Variants in SETDB2 observed in about 807,000 individuals in gnomAD.
SETDB2 encodes histone-lysine N-methyltransferase SETDB2.
Under a neutral mutation model 82.5 loss-of-function variants are expected in SETDB2, and 56 were observed. The observed-to-expected ratio is 0.68, with a 90% CI of 0.55 to 0.85. The LOEUF (loss-of-function observed/expected upper bound fraction) is 0.85. SETDB2 is among the 40% of genes least tolerant of loss of function. The pLI, the probability that SETDB2 is intolerant of heterozygous loss-of-function variation, is 0.00. For missense variants in SETDB2, 677 were observed against 816.4 expected (o/e 0.83, Z 2.08); for synonymous variants, 272 against 284.9 (o/e 0.95, Z 0.46).
intron 7 of SETDB2, 26 bp downstream of exon 7, chr13:49,480,361 A>G (rs770939721): frequency 8.4e-6 from 12 of 1,433,274 alleles, no homozygotes; most frequent in African/African-American, 5.7e-5. Flanking sequence ...GATTTGTTGC[A>G]GGGTGTGTAT....
intron 4 of SETDB2, among the ~76,000 whole-genome samples, chr13:49,467,374 G>A (rs1474134461): frequency 9.6e-5 from 14 of 145,078 alleles, no homozygotes; most frequent in Admixed American, 5.6e-4. Flanking sequence ...CACCCTGGGC[G>A]ACAGAGTGAA....
At position 49,491,928 on chromosome 13, in the gene SETDB2, C is replaced by A; in HGVS notation, c.*79C>A. 1 of 949,394 alleles carries A rather than the reference C, an allele frequency of 1.1e-6. No homozygotes were observed. The highest frequency in any genetic ancestry group is 1.7e-6 in the Non-Finnish European group (1 of 581,010). The allele number at this position is 949,394 out of a possible 1,614,324, so 58.8% of individuals were successfully genotyped here. ...CATGCAAAAGAAGGTCTAGGTCCAT[C>A]AAGGAAATTCCCCTCCGTTTTCCTT... On this transcript the variant is annotated 3_prime_UTR_variant, in exon 14 of 14. Coordinates refer to ENST00000611815, the MANE Select transcript of SETDB2 (RefSeq NM_001160308.3).
At chr13:49,445,158 A>G (rs1458092535) in intron 1 of SETDB2, among the ~76,000 whole-genome samples, 1 of 152,012 alleles carries the variant, frequency 6.6e-6, no homozygotes, top group Non-Finnish European at 1.5e-5. Flanking sequence ...CACTTACGGT[A>G]TGGCATTCCT....
At chr13:49,449,544 G>C (rs901632706) in intron 1 of SETDB2, among the ~76,000 whole-genome samples, 4 of 152,022 alleles carry the variant, frequency 2.6e-5, no homozygotes, top group Non-Finnish European at 5.9e-5. Context: ...TTTAATTGAG[G>C]TTAGCCCCAA....
intron 10 of SETDB2, among the ~76,000 whole-genome samples, chr13:49,485,109 T>C (rs144529867): frequency 3.0e-4 from 45 of 152,348 alleles, no homozygotes; most frequent in African/African-American, 9.9e-4. Context: ...TCAATGTGTA[T>C]TGAATACTTA....
At position 49,491,882 on chromosome 13, in the gene SETDB2, T is replaced by A; in HGVS notation, c.*33T>A. On this transcript the variant is annotated 3_prime_UTR_variant, in exon 14 of 14. Coordinates refer to ENST00000611815, the MANE Select transcript of SETDB2 (RefSeq NM_001160308.3). ...ACTAACGCCTGTTTGTGAAATTAGC[T>A]TATCAGGCTGAAATTAAAGCCATGC... 7.0e-7 allele frequency: 1 copy of A among 1,432,872 alleles called. No homozygotes were observed. The highest frequency in any genetic ancestry group is 9.8e-7 in the Non-Finnish European group (1 of 1,016,104). The allele number at this position is 1,432,872 out of a possible 1,614,324, so 88.8% of individuals were successfully genotyped here.
chr13:49,486,842 G>A (rs552271802), intron 11 of SETDB2, among the ~76,000 whole-genome samples: 6 of 152,198 alleles, frequency 3.9e-5, no homozygotes, highest in South Asian at 2.1e-4. Flanking sequence ...AGAGATATCC[G>A]TTTGTGAAGA....
At chr13:49,491,342 G>C (rs1434003736) in intron 13 of SETDB2, among the ~76,000 whole-genome samples, 1 of 152,094 alleles carries the variant, frequency 6.6e-6, no homozygotes, top group African/African-American at 2.4e-5. Flanking sequence ...TTCCCATTTA[G>C]AATGAATGCC....
At chr13:49,446,492 G>A in intron 1 of SETDB2, 1 of 425,964 alleles carries the variant, frequency 2.3e-6, no homozygotes, top group South Asian at 1.7e-5. Flanking sequence ...TTTTAATACT[G>A]TTACATATTC....
At chr13:49,451,395 G>C (rs1453996793) in intron 1 of SETDB2, among the ~76,000 whole-genome samples, 158 bp from the exon 2 acceptor site, 2 of 149,270 alleles carry the variant, frequency 1.3e-5, no homozygotes, top group African/African-American at 4.9e-5. Context: ...ATTTTTTCCA[G>C]ATAACATAAT....
In SETDB2 at chr13:49,485,741, T is replaced by G. The variant is rs773924703; in HGVS notation, c.1576+18T>G. On this transcript the variant is annotated intron_variant, in intron 11 of 13. Transcript: ENST00000611815. ...AGCACAAAGTAGGCTTTGTTTCTTC[T>G]GTGAATGCCTACCTCTTCTGCCTGT... 1 of 1,579,036 alleles carries G rather than the reference T, an allele frequency of 6.3e-7. No homozygotes were observed. Among genetic ancestry groups the G allele is most frequent in the Non-Finnish European group, 8.7e-7 (1 of 1,148,070 alleles).
At chr13:49,490,122 C>CA (rs576576658) in intron 12 of SETDB2, among the ~76,000 whole-genome samples, 2 of 149,824 alleles carry the variant, frequency 1.3e-5, no homozygotes, top group South Asian at 2.1e-4. Flanking sequence ...ACTAAAAATA[C>CA]AAAAAAAATT....
At chr13:49,446,355 C>G in intron 1 of SETDB2, 5 of 455,848 alleles carry the variant, frequency 1.1e-5, no homozygotes, top group Non-Finnish European at 2.2e-5. Context: ...CTTGAAAGTT[C>G]GTATATGATA....
At chr13:49,447,719 A>T (rs1260832461) in intron 1 of SETDB2, among the ~76,000 whole-genome samples, 1 of 152,100 alleles carries the variant, frequency 6.6e-6, no homozygotes, top group African/African-American at 2.4e-5. Context: ...TATTCTTGGG[A>T]TAAACTATTT....
intron 1 of SETDB2, among the ~76,000 whole-genome samples, chr13:49,450,450 T>C (rs1055496456): frequency 6.6e-5 from 10 of 152,216 alleles, no homozygotes; most frequent in African/African-American, 2.4e-4. Context: ...AAATTGTGTG[T>C]TATTTCATGG....
intron 1 of SETDB2, among the ~76,000 whole-genome samples, chr13:49,447,620 G>A (rs1416838046): frequency 6.6e-6 from 1 of 152,008 alleles, no homozygotes; most frequent in Non-Finnish European, 1.5e-5. Context: ...GAATTGTTTT[G>A]TTTTTCTGCA....
At chr13:49,449,231 T>C (rs1376402650) in intron 1 of SETDB2, among the ~76,000 whole-genome samples, 1 of 152,154 alleles carries the variant, frequency 6.6e-6, no homozygotes, top group Non-Finnish European at 1.5e-5. Flanking sequence ...CAAGCTTCTC[T>C]TTGTATCTTT....
At chr13:49,482,040 C>G (rs1361522496) in intron 8 of SETDB2, 26 of 985,122 alleles carry the variant, frequency 2.6e-5, no homozygotes, top group Non-Finnish European at 3.0e-5. Context: ...GATCCACATT[C>G]TACACATCCT....
At position 49,493,677 on chromosome 13, in the gene SETDB2, T is replaced by C. The variant is rs951212361; in HGVS notation, c.*1828T>C. 1.3e-4 allele frequency: 20 copies of C among 152,228 alleles called. No homozygotes were observed. The highest frequency in any genetic ancestry group is 1.5e-5 in the Non-Finnish European group (1 of 68,044). 9.4% of individuals were successfully genotyped at this position (152,228 alleles called of 1,614,324 possible). On this transcript the variant is annotated 3_prime_UTR_variant, in exon 14 of 14. Transcript: ENST00000611815. Reference sequence around the variant, plus strand: ...TTTGACAATGTCTTTATTTTACCCTTATACCTGATTGCTGTTTTGGTTGGC... The same window carrying C: ...TTTGACAATGTCTTTATTTTACCCTCATACCTGATTGCTGTTTTGGTTGGC...
Sources: allele counts gnomAD v4.1 joint callset (sites outside exome capture counted in the v4.1 genomes callset), GRCh38; gene constraint gnomAD v4.1.1; transcripts MANE v1.5; gene names NCBI Gene and HGNC (gene_info 2026-07-23, HGNC 2026-07-21).